SLIT3: variants seen among roughly 807,000 people sequenced by gnomAD.
The protein encoded by SLIT3 is slit homolog 3 protein.
Under a neutral mutation model 184.0 loss-of-function variants are expected in SLIT3, and 68 were observed. The observed-to-expected ratio is 0.37, with a 90% CI of 0.30 to 0.45. The LOEUF (loss-of-function observed/expected upper bound fraction) is 0.45, where lower values mean the gene tolerates loss of function less well. SLIT3 is among the 20% of genes least tolerant of loss of function. The probability of loss-of-function intolerance (pLI) is 1.00; values close to 1 mark genes in which losing one functional copy is unlikely to be tolerated. For synonymous variants in SLIT3, 831 were observed against 828.6 expected, an observed-to-expected ratio of 1.00 and a Z score of -0.05; for missense variants, 1,707 against 2,026.0, an observed-to-expected ratio of 0.84 and a Z score of 3.02.
intron 5 of SLIT3, among the ~76,000 whole-genome samples, chr5:168,875,476 C>A (rs1239725517): frequency 6.6e-6 from 1 of 151,580 alleles, no homozygotes; most frequent in Non-Finnish European, 1.5e-5. Flanking sequence ...TACTAAAAAT[C>A]CAAAAAAATT....
At chr5:169,265,649 T>C (rs958959329) in intron 1 of SLIT3, among the ~76,000 whole-genome samples, 7 of 152,200 alleles carry the variant, frequency 4.6e-5, no homozygotes, top group African/African-American at 1.4e-4. Context: ...CCTAAGCTTC[T>C]GTTTCTCCAT....
chr5:169,175,828 C>G (rs2113428799), intron 4 of SLIT3, among the ~76,000 whole-genome samples: 1 of 152,234 alleles, frequency 6.6e-6, no homozygotes, highest in South Asian at 2.1e-4. Flanking sequence ...CCCAGGCTAC[C>G]CCAAAGCCTA....
chr5:168,726,771 G>T (rs1006028288), intron 20 of SLIT3, among the ~76,000 whole-genome samples: 3 of 151,504 alleles, frequency 2.0e-5, no homozygotes, highest in Non-Finnish European at 4.4e-5. Flanking sequence ...TCAGGAGTTT[G>T]AGACCAGCCT....
intron 5 of SLIT3, 45 bp from the exon 6 acceptor site, chr5:168,844,700 G>T (rs761891131): frequency 2.5e-6 from 4 of 1,589,120 alleles, no homozygotes; most frequent in Non-Finnish European, 3.5e-6. Flanking sequence ...CGGGGGCAGC[G>T]TGAGGGGCCG....
intron 2 of SLIT3, among the ~76,000 whole-genome samples, chr5:169,250,464 T>C (rs577801345): frequency 1.3e-5 from 2 of 152,342 alleles, no homozygotes; most frequent in African/African-American, 4.8e-5. Flanking sequence ...AAAAATAATT[T>C]GCCCAAGGTT....
intron 4 of SLIT3, among the ~76,000 whole-genome samples, chr5:169,107,047 A>G (rs1200610833): frequency 6.6e-6 from 1 of 152,206 alleles, no homozygotes; most frequent in Non-Finnish European, 1.5e-5. Context: ...CCTGTGCAGG[A>G]AATGGTCGCT....
chr5:168,826,911 C>T (rs1757723498), intron 6 of SLIT3, among the ~76,000 whole-genome samples: 2 of 151,960 alleles, frequency 1.3e-5, no homozygotes, highest in South Asian at 4.2e-4. Flanking sequence ...TACAGGTGCC[C>T]ACCACCACGT....
At chr5:168,824,893 G>A (rs535471800) in intron 6 of SLIT3, among the ~76,000 whole-genome samples, 168 of 152,282 alleles carry the variant, frequency 1.1e-3, no homozygotes, top group Non-Finnish European at 1.8e-3. Context: ...TTGGCTTTTC[G>A]TAAACACATT....
At chr5:168,950,433 G>C (rs761367517) in intron 4 of SLIT3, among the ~76,000 whole-genome samples, 1 of 152,212 alleles carries the variant, frequency 6.6e-6, no homozygotes, top group African/African-American at 2.4e-5. Flanking sequence ...TTAATATATA[G>C]AGCAGAGGAA....
At chr5:169,117,100 C>T (rs982412707) in intron 4 of SLIT3, among the ~76,000 whole-genome samples, 7 of 152,136 alleles carry the variant, frequency 4.6e-5, no homozygotes, top group Admixed American at 1.3e-4. Context: ...TCCTGTGAAG[C>T]GACTGGAGGT....
intron 3 of SLIT3, among the ~76,000 whole-genome samples, chr5:169,221,928 A>G (rs1408797093): frequency 6.6e-6 from 1 of 152,246 alleles, no homozygotes; most frequent in Non-Finnish European, 1.5e-5. Flanking sequence ...TTTACATCTT[A>G]ATGACACCGG....
intron 4 of SLIT3, among the ~76,000 whole-genome samples, chr5:168,933,038 A>T (rs1473559643): frequency 6.6e-6 from 1 of 152,228 alleles, no homozygotes; most frequent in African/African-American, 2.4e-5. Flanking sequence ...ACAGAGGTGA[A>T]CAATATTCAC....
chr5:169,018,927 T>C (rs1438697844), intron 4 of SLIT3, among the ~76,000 whole-genome samples: 12 of 152,152 alleles, frequency 7.9e-5, no homozygotes, highest in Non-Finnish European at 1.5e-5. Context: ...TCAAGGTCAC[T>C]CGGAATGCAG....
intron 4 of SLIT3, among the ~76,000 whole-genome samples, chr5:169,192,211 A>G (rs1763576665): frequency 6.6e-6 from 1 of 152,078 alleles, no homozygotes; most frequent in African/African-American, 2.4e-5. Context: ...GGAAGAGTAA[A>G]AAGGAGGGTA....
At chr5:168,703,269 TG>T (rs1762271799) in intron 26 of SLIT3, among the ~76,000 whole-genome samples, 1 of 138,290 alleles carries the variant, frequency 7.2e-6, no homozygotes, top group East Asian at 2.1e-4. Flanking sequence ...TGTGTGTGTG[TG>T]TGTGTGTGTA....
chr5:168,729,704 AACTC>A (rs1217121866), intron 20 of SLIT3, among the ~76,000 whole-genome samples: 4 of 152,150 alleles, frequency 2.6e-5, no homozygotes, highest in African/African-American at 9.7e-5. Flanking sequence ...GAAAATATAA[AACTC>A]ACAGTTCATA....
In SLIT3 at chr5:168,762,123, T is replaced by C. The variant is rs540113491; in HGVS notation, c.1610+416A>G. Among the ~76,000 whole-genome samples, 10 of 152,070 alleles carry C rather than the reference T, an allele frequency of 6.6e-5. No individual in the cohort carries two copies. The South Asian group carries it at 2.1e-3, about 32-fold the overall frequency. On this transcript the variant is annotated intron_variant, in intron 15 of 35. Transcript: ENST00000519560. ...TTTGATAAACCAACACATCCCTTTA[T>C]TAACATGGCTAATTGGAGGCTCAGA...
intron 28 of SLIT3, 76 bp downstream of exon 28, chr5:168,696,216 C>T: frequency 6.4e-7 from 1 of 1,552,570 alleles, no homozygotes; most frequent in South Asian, 1.1e-5. Flanking sequence ...GAAGAGAGTC[C>T]CTGGAGGAAG....
At position 168,886,572 on chromosome 5, in the gene SLIT3, G is replaced by A. The variant is rs976088591; in HGVS notation, c.414-3236C>T. ...TAGTGTCTCCCCTTTCACGAGGGAAGCAGCTCAGGGCTGAGGAGGGCAGAC... is the reference window on the plus strand; with the variant it reads ...TAGTGTCTCCCCTTTCACGAGGGAAACAGCTCAGGGCTGAGGAGGGCAGAC... On this transcript the variant is annotated intron_variant, in intron 4 of 35. Transcript: ENST00000519560. Among the ~76,000 whole-genome samples the A allele has an allele frequency of 7.9e-5, 12 of 152,310 alleles. No homozygotes were observed. In the East Asian group the frequency reaches 1.5e-3, roughly 20 times the overall value.
Sources: allele counts gnomAD v4.1 joint callset (sites outside exome capture counted in the v4.1 genomes callset), GRCh38; gene constraint gnomAD v4.1.1; transcripts MANE v1.5; gene names NCBI Gene and HGNC (gene_info 2026-07-23, HGNC 2026-07-21).